Variants in SPAG5 observed in about 807,000 individuals in gnomAD.
SPAG5 encodes sperm-associated antigen 5.
A neutral mutation model predicts 145.4 loss-of-function variants in SPAG5; 99 were observed. The ratio of observed to expected loss-of-function variants is 0.68; its 90% CI spans 0.58 to 0.80. The LOEUF is 0.80. Among genes scored for constraint, SPAG5 ranks in the 30% least tolerant of loss-of-function variants. The probability of loss-of-function intolerance (pLI) is 0.00; values close to 1 mark genes in which losing one functional copy is unlikely to be tolerated. For missense variants in SPAG5, 1,192 were observed against 1,416.0 expected, an observed-to-expected ratio of 0.84 and a Z score of 2.54; for synonymous variants, 477 against 525.4, an observed-to-expected ratio of 0.91 and a Z score of 1.26.
chr17:28,598,588 G>C lies in SPAG5; in HGVS notation c.99C>G (p.Pro33=). Residue 33 remains proline (P), a synonymous_variant, in exon 2 of 24, where the codon CCC becomes CCG. Coordinates refer to ENST00000321765, the MANE Select transcript of SPAG5 (RefSeq NM_006461.4). ...RTPLRELTLQ[P]GALTNSGKRS... ...TTTTTCCAGAGTTGGTGAGGGCACCGGGCTGCAGGGTAAGTTCACGGAGAG... is the reference window on the plus strand; with the variant it reads ...TTTTTCCAGAGTTGGTGAGGGCACCCGGCTGCAGGGTAAGTTCACGGAGAG... 1 of 1,613,060 alleles carries C rather than the reference G, an allele frequency of 6.2e-7. No individual in the cohort carries two copies. The highest frequency in any genetic ancestry group is 8.5e-7 in the Non-Finnish European group (1 of 1,179,508).
rs973368628 is a variant in SPAG5 at position 28,578,737 on chromosome 17, G to A, written c.3133C>T (p.Gln1045Ter). 1 of 1,613,758 alleles carries A rather than the reference G, an allele frequency of 6.2e-7. No individual in the cohort carries two copies. The highest frequency in any genetic ancestry group is 8.5e-7 in the Non-Finnish European group (1 of 1,179,736). ...CLRYKNEKEL[Q>*]EVIQQQNEKI... ...TCATTCTGCTGCTGTATCACTTCCT[G>A]GAGCTCCTTTTCATTCTGTGAGGGA... The change falls in exon 20 of 24, where the codon CAG becomes TAG. Residue 1045 changes from glutamine to a stop codon, truncating the protein, a stop_gained. Transcript: ENST00000321765. LOFTEE classifies it high-confidence loss of function.
intron 2 of SPAG5, among the ~76,000 whole-genome samples, chr17:28,596,200 C>CA (rs878985394): frequency 4.0e-4 from 56 of 140,782 alleles, no homozygotes; most frequent in East Asian, 2.5e-3. Flanking sequence ...GTGAGACTCT[C>CA]AAAAAAAAAA....
In SPAG5 at chr17:28,578,480, C is replaced by T; in HGVS notation, c.3247G>A (p.Glu1083Lys). 6.2e-7 allele frequency: 1 copy of T among 1,613,122 alleles called. No individual in the cohort carries two copies. Among genetic ancestry groups the T allele is most frequent in the Non-Finnish European group, 8.5e-7 (1 of 1,180,028 alleles). The change falls in exon 21 of 24, where the codon GAG becomes AAG. Residue 1083 changes from glutamate (E) to lysine (K), a missense_variant. Physicochemically the swap from Glu to Lys is moderately conservative, Grantham distance 56. Coordinates refer to ENST00000321765, the MANE Select transcript of SPAG5 (RefSeq NM_006461.4). Reference sequence around the variant, plus strand: ...TCCTGGAGCACTTTGGTCTCTGTCTCCGCACGCCGAAGTGAGCGGGTAAGG... The same window carrying T: ...TCCTGGAGCACTTTGGTCTCTGTCTTCGCACGCCGAAGTGAGCGGGTAAGG... ...THLTRSLRRA[E>K]TETKVLQEAL... is the part of the protein sequence containing the mutation.
chr17:28,593,595 G>A (rs895356448), intron 2 of SPAG5, among the ~76,000 whole-genome samples: 1 of 152,092 alleles, frequency 6.6e-6, no homozygotes, highest in African/African-American at 2.4e-5. Context: ...GTGCTGATGT[G>A]TGCCTGTAGT....
At chr17:28,588,861 T>A (rs2070602413) in intron 4 of SPAG5, among the ~76,000 whole-genome samples, 1 of 152,044 alleles carries the variant, frequency 6.6e-6, no homozygotes, top group South Asian at 2.1e-4. Context: ...TTTGTATTTT[T>A]AATAGAGATG....
intron 4 of SPAG5, among the ~76,000 whole-genome samples, chr17:28,586,974 C>T (rs946333804): frequency 4.0e-5 from 6 of 151,868 alleles, no homozygotes; most frequent in Non-Finnish European, 5.9e-5. Context: ...TGGCTGGTCT[C>T]AAACTCCTGG....
chr17:28,580,150 G>C (rs1460355462), intron 15 of SPAG5, 30 bp from the exon 16 acceptor site: 5 of 1,528,592 alleles, frequency 3.3e-6, no homozygotes, highest in Non-Finnish European at 4.5e-6. Flanking sequence ...AATAGCTGCT[G>C]TTCAGGTCTA....
At chr17:28,584,095 A>C in intron 13 of SPAG5, 55 bp downstream of exon 13, 1 of 1,609,248 alleles carries the variant, frequency 6.2e-7, no homozygotes, top group South Asian at 1.1e-5. Flanking sequence ...ACTATCAGGC[A>C]AGAATCACAC....
Position 28,591,812 on chromosome 17 carries a change from A to G in SPAG5, c.1323T>C (p.Ser441=), listed in dbSNP as rs1282597582. ...RHDLEDNLLS[S]LVILEVLSRQ... is the part of the protein sequence containing the mutation. ...GGGAGAGAACCTCCAGAATGACAAG[A>G]GAGCTCAGCAGGTTATCTTCCAAGT... Residue 441 remains serine (S), a synonymous_variant, in exon 4 of 24, where the codon TCT becomes TCC. Transcript: ENST00000321765. The G allele has an allele frequency of 6.2e-7, 1 of 1,614,066 alleles. No homozygotes were observed. Among genetic ancestry groups the G allele is most frequent in the African/African-American group, 1.3e-5 (1 of 74,922 alleles).
rs148599017 is a variant in SPAG5, at chr17:28,583,959, G to A, written c.2440C>T (p.His814Tyr). The change falls in exon 14 of 24, where the codon CAC becomes TAC. Residue 814 changes from histidine to tyrosine, a missense_variant. Coordinates refer to ENST00000321765, the MANE Select transcript of SPAG5 (RefSeq NM_006461.4). ...CACTCAACCTGACCCAGCTCCAGGT[G>A]AGCAACCTGATTCTCCTGGTCTGCA... ...EFADQENQVAHLELGQVECQL... is the reference protein window; with the variant it reads ...EFADQENQVAYLELGQVECQL... 7.2e-5 allele frequency: 117 copies of A among 1,614,120 alleles called. No individual in the cohort carries two copies. In the African/African-American group the frequency reaches 1.4e-3, roughly 20 times the overall value.
At chr17:28,596,877 G>A (rs1225572289) in intron 2 of SPAG5, among the ~76,000 whole-genome samples, 1 of 151,888 alleles carries the variant, frequency 6.6e-6, no homozygotes, top group African/African-American at 2.4e-5. Flanking sequence ...AGGCGGAGGC[G>A]GGCAGATCAC....
chr17:28,585,180 T>C lies in SPAG5; in HGVS notation c.1989A>G (p.Arg663=), dbSNP rs1459535102. ...TTWTALLSRS[R]QLTEKLTVKS... is the part of the protein sequence containing the mutation. ...TGACTGTGAGTTTCTCTGTGAGTTGTCGGGACCGACTCAGCAAAGCTGTCC... is the reference window on the plus strand; with the variant it reads ...TGACTGTGAGTTTCTCTGTGAGTTGCCGGGACCGACTCAGCAAAGCTGTCC... The change falls in exon 10 of 24, where the codon CGA becomes CGG. Residue 663 remains arginine, a synonymous_variant. Transcript: ENST00000321765. 1.9e-6 allele frequency: 3 copies of C among 1,614,062 alleles called. No individual in the cohort carries two copies. In the African/African-American group the frequency reaches 4.0e-5, roughly 22 times the overall value.
In SPAG5 at chr17:28,586,097, C is replaced by T. The variant is rs2151521027; in HGVS notation, c.1598G>A (p.Ser533Asn). ...LHLEEDKTTV[S>N]QESRRAETLV... ...CATCTTCAGGCTGCTTACCTCCTGA[C>T]TCACAGTAGTCTTATCTTCTTCTAA... The change falls in exon 6 of 24, where the codon AGT becomes AAT. Residue 533 changes from serine (S) to asparagine (N), a missense_variant. Around this residue, in one of 5 missense-constraint regions of SPAG5, gnomAD observed 709 missense variants for 840.7 expected, o/e 0.84. Transcript: ENST00000321765. 1 of 1,614,034 alleles carries T rather than the reference C, an allele frequency of 6.2e-7. No individual in the cohort carries two copies. The highest frequency in any genetic ancestry group is 2.2e-5 in the East Asian group (1 of 44,890).
chr17:28,577,914 G>T, intron 23 of SPAG5, 96 bp downstream of exon 23: 1 of 1,262,776 alleles, frequency 7.9e-7, no homozygotes, highest in Non-Finnish European at 1.2e-6. Context: ...CCAGCTCTCA[G>T]CACAGGCTGG....
intron 5 of SPAG5, 97 bp downstream of exon 5, chr17:28,586,328 C>T (rs2070585317): frequency 8.0e-7 from 1 of 1,243,382 alleles, no homozygotes; most frequent in East Asian, 2.3e-5. Flanking sequence ...CCCTTCACCA[C>T]CACGACTTAG....
intron 2 of SPAG5, 46 bp downstream of exon 2, chr17:28,598,463 AC>A: frequency 6.2e-7 from 1 of 1,601,092 alleles, no homozygotes; most frequent in Non-Finnish European, 8.5e-7. Flanking sequence ...CTGAGCTCTC[AC>A]CCTGGGCAAA....
intron 15 of SPAG5, among the ~76,000 whole-genome samples, chr17:28,582,506 A>G (rs755224725): frequency 6.1e-4 from 93 of 152,272 alleles, no homozygotes; most frequent in Admixed American, 1.4e-3. Context: ...CGAAGGCTGA[A>G]GTGGTGCTCC....
chr17:28,598,337 T>C, intron 2 of SPAG5, 173 bp downstream of exon 2: 1 of 664,250 alleles, frequency 1.5e-6, no homozygotes, highest in Non-Finnish European at 2.4e-6. Flanking sequence ...TCACTGGATT[T>C]CCTTTAACCA....
intron 14 of SPAG5, 56 bp downstream of exon 14, chr17:28,583,797 G>C: frequency 1.9e-6 from 3 of 1,576,032 alleles, no homozygotes; most frequent in Non-Finnish European, 2.6e-6. Flanking sequence ...TTCTAGAAGT[G>C]TTCCTGAGAA....
Sources: allele counts gnomAD v4.1 joint callset (sites outside exome capture counted in the v4.1 genomes callset), GRCh38; gene constraint gnomAD v4.1.1; regional missense constraint gnomAD v4.1.1; transcripts MANE v1.5; gene names NCBI Gene and HGNC (gene_info 2026-07-23, HGNC 2026-07-21).